COL9A2: variants seen among roughly 807,000 people sequenced by gnomAD.
The protein encoded by COL9A2 is collagen type IX alpha 2 chain, also known as collagen alpha-2(IX) chain.
Under a neutral mutation model 111.6 loss-of-function variants are expected in COL9A2, and 66 were observed. The ratio of observed to expected loss-of-function variants is 0.59; its 90% CI spans 0.48 to 0.73. The LOEUF (loss-of-function observed/expected upper bound fraction) is 0.73, where lower values mean the gene tolerates loss of function less well. COL9A2 is among the 30% of genes least tolerant of loss of function. The pLI is 0.00. For synonymous variants in COL9A2, 353 were observed against 364.1 expected (o/e 0.97, Z 0.35); for missense variants, 881 against 954.1 (o/e 0.92, Z 1.01).
rs1643903752 is a variant in COL9A2, at chr1:40,300,807, G to A, written c.*375C>T. On this transcript the variant is annotated 3_prime_UTR_variant, in exon 32 of 32. Transcript: ENST00000372748. The surrounding 1 kb of genome is among the most constrained non-coding windows in gnomAD (Gnocchi z 4.4). The stretch of plus-strand genomic sequence containing the variant: ...TGAGGGGTGGAACTGTAGCTGGGCA[G>A]GGCCCGGGCCTCCCGAGGTGCCCAT... 9.4e-6 allele frequency: 2 copies of A among 213,590 alleles called. No homozygotes were observed. The highest frequency in any genetic ancestry group is 5.2e-5 in the Admixed American group (1 of 19,100). The allele number at this position is 213,590 out of a possible 1,614,324, so 13.2% of individuals were successfully genotyped here.
At chr1:40,305,464 G>A (rs906350539) in intron 21 of COL9A2, among the ~76,000 whole-genome samples, 4 of 152,168 alleles carry the variant, frequency 2.6e-5, no homozygotes, top group Non-Finnish European at 4.4e-5. Context: ...ATAAATGAAC[G>A]AACAACTCTG....
In COL9A2 at chr1:40,309,975, C is replaced by G; in HGVS notation, c.809G>C (p.Arg270Thr). The G allele has an allele frequency of 1.2e-6, 2 of 1,614,104 alleles. No individual in the cohort carries two copies. The highest frequency in any genetic ancestry group is 8.5e-7 in the Non-Finnish European group (1 of 1,179,988). The change falls in exon 16 of 32, where the codon AGG (arginine) becomes ACG (threonine). Residue 270 changes from arginine (R) to threonine (T), a missense_variant. Transcript: ENST00000372748. Reference sequence around the variant, plus strand: ...CTCCCCAGCTCGGCCTGGCGGTCCCCTAGGACCTTCCTCACCCTGGCAAGA... The same window carrying G: ...CTCCCCAGCTCGGCCTGGCGGTCCCGTAGGACCTTCCTCACCCTGGCAAGA... ...ATGPPGEEGP[R>T]GPPGRAGEKG...
Position 40,308,224 on chromosome 1 carries a change from G to C in COL9A2, c.868C>G (p.Pro290Ala). The change falls in exon 17 of 32, where the codon CCC becomes GCC. Residue 290 changes from proline to alanine, a missense_variant. Pro to Ala is a conservative substitution (Grantham distance 27, BLOSUM62 -1). Transcript: ENST00000372748. Reference sequence around the variant, plus strand: ...CCTTTCGGGCCTGTGATCCCCTGGGGTCCACGAATACCTGGGCTGCCCTGC... The same window carrying C: ...CCTTTCGGGCCTGTGATCCCCTGGGCTCCACGAATACCTGGGCTGCCCTGC... ...GDEGSPGIRG[P>A]QGITGPKGAT... 2.5e-6 allele frequency: 4 copies of C among 1,614,134 alleles called. No individual in the cohort carries two copies. The highest frequency in any genetic ancestry group is 3.4e-6 in the Non-Finnish European group (4 of 1,180,006).
Position 40,305,709 on chromosome 1 carries a change from A to G in COL9A2, c.1107+6T>C. The G allele has an allele frequency of 6.2e-7, 1 of 1,613,798 alleles. No individual in the cohort carries two copies. Among genetic ancestry groups the G allele is most frequent in the Non-Finnish European group, 8.5e-7 (1 of 1,179,828 alleles). On this transcript the variant is annotated splice_donor_region_variant and intron_variant, in intron 21 of 31. Transcript: ENST00000372748. Reference sequence around the variant, plus strand: ...GAACCCTTGTGTCAGTGCAGGGGGCATTTACCTCTTTCCCAGGGGGACCAG... The same window carrying G: ...GAACCCTTGTGTCAGTGCAGGGGGCGTTTACCTCTTTCCCAGGGGGACCAG...
chr1:40,301,979 C>T, intron 30 of COL9A2, 90 bp from the exon 31 acceptor site: 3 of 1,305,086 alleles, frequency 2.3e-6, no homozygotes, highest in Non-Finnish European at 3.2e-6. Context: ...GAAATTATTC[C>T]TGTTTTGTGC....
At position 40,312,524 on chromosome 1, in the gene COL9A2, G is replaced by C. The variant is rs758931605; in HGVS notation, c.340-45C>G. ...AATTGGCTTCATGGCTCCCTCTGCA[G>C]GTCCCCTCTCCCCCAAGAGTCCCTC... is the stretch of plus-strand genomic sequence containing the variant. On this transcript the variant is annotated intron_variant, in intron 6 of 31. Coordinates refer to ENST00000372748, the MANE Select transcript of COL9A2 (RefSeq NM_001852.4). The surrounding 1 kb of genome is among the most constrained non-coding windows in gnomAD (Gnocchi z 6.0). 6.2e-7 allele frequency: 1 copy of C among 1,613,818 alleles called. No homozygotes were observed. The highest frequency in any genetic ancestry group is 1.1e-5 in the South Asian group (1 of 91,056).
intron 16 of COL9A2, among the ~76,000 whole-genome samples, chr1:40,308,450 G>A (rs999106883): frequency 2.6e-5 from 4 of 152,228 alleles, no homozygotes; most frequent in African/African-American, 7.2e-5. Context: ...TCAGTGCCAG[G>A]AGGCCAGGCT....
chr1:40,306,073 C>T (rs1401285696), intron 20 of COL9A2, 70 bp downstream of exon 20: 1 of 1,574,196 alleles, frequency 6.4e-7, no homozygotes, highest in African/African-American at 1.3e-5. Context: ...TGGCTGAGGC[C>T]TGGGCCTTGC....
At position 40,307,689 on chromosome 1, in the gene COL9A2, A is replaced by G. The variant is rs1414793048; in HGVS notation, c.954+14T>C. The G allele has an allele frequency of 1.2e-6, 2 of 1,614,060 alleles. No individual in the cohort carries two copies. The highest frequency in any genetic ancestry group is 3.3e-5 in the Admixed American group (2 of 60,012). ...CTGCCCCTGCCCCAGTCCCATCAGC[A>G]GCCCCACTCCTACCTTCATGCCAGG... On this transcript the variant is annotated intron_variant, in intron 18 of 31. Transcript: ENST00000372748. This position sits in a 1 kb window ranked among gnomAD's most constrained non-coding sequence, Gnocchi z 4.8.
intron 23 of COL9A2, 25 bp downstream of exon 23, chr1:40,304,451 C>A: frequency 6.2e-7 from 1 of 1,614,012 alleles, no homozygotes; most frequent in Non-Finnish European, 8.5e-7. Flanking sequence ...TGACGCCCTG[C>A]CCACCTTAGC....
At position 40,311,744 on chromosome 1, in the gene COL9A2, C is replaced by A; in HGVS notation, c.418-29G>T. The A allele has an allele frequency of 6.2e-7, 1 of 1,610,978 alleles. No individual in the cohort carries two copies. The highest frequency in any genetic ancestry group is 2.2e-5 in the East Asian group (1 of 44,874). Reference sequence around the variant, plus strand: ...GAAGCAAAAGAAGCCCAAATCATACCCCTGACCAGCCCTTACCAGCTTACC... The same window carrying A: ...GAAGCAAAAGAAGCCCAAATCATACACCTGACCAGCCCTTACCAGCTTACC... On this transcript the variant is annotated intron_variant, in intron 8 of 31. Transcript: ENST00000372748. The surrounding 1 kb of genome is among the most constrained non-coding windows in gnomAD (Gnocchi z 5.1).
Position 40,310,267 on chromosome 1 carries a change from C to T in COL9A2, c.735G>A (p.Glu245=). The T allele has an allele frequency of 6.2e-7, 1 of 1,614,174 alleles. No individual in the cohort carries two copies. The highest frequency in any genetic ancestry group is 8.5e-7 in the Non-Finnish European group (1 of 1,180,002). The change falls in exon 14 of 32, where the codon GAG becomes GAA. Residue 245 remains glutamate, a synonymous_variant. Transcript: ENST00000372748. This position sits in a 1 kb window ranked among gnomAD's most constrained non-coding sequence, Gnocchi z 4.9. ...GYPGMAGPKG[E]TGPHGYKGMV... ...GAACACCCCAAGATTCACTTACCGT[C>T]TCTCCCTTGGGCCCTGCCATGCCTG...
chr1:40,310,150 A>G lies in COL9A2; in HGVS notation c.753T>C (p.Tyr251=), dbSNP rs1437068337. The G allele has an allele frequency of 6.2e-7, 1 of 1,614,052 alleles. No individual in the cohort carries two copies. Among genetic ancestry groups the G allele is most frequent in the Non-Finnish European group, 8.5e-7 (1 of 1,179,954 alleles). Residue 251 remains tyrosine, a synonymous_variant, in exon 15 of 32, where the codon TAT becomes TAC. Coordinates refer to ENST00000372748, the MANE Select transcript of COL9A2 (RefSeq NM_001852.4). This position sits in a 1 kb window ranked among gnomAD's most constrained non-coding sequence, Gnocchi z 4.9. ...GPKGETGPHG[Y]KGMVGAIGAT... is the part of the protein sequence containing the mutation. ...CACCGATAGCGCCCACCATGCCTTT[A>G]TATCCATGAGGGCCCTGGGGAGAGG...
chr1:40,301,684 G>T, intron 31 of COL9A2, 128 bp downstream of exon 31: 1 of 910,120 alleles, frequency 1.1e-6, no homozygotes, highest in Non-Finnish European at 1.7e-6. Context: ...CCAAAGGGGT[G>T]CAGAAGCTGG....
In COL9A2 at chr1:40,311,883, C is replaced by T. The variant is rs531007545; in HGVS notation, c.418-168G>A. Among the ~76,000 whole-genome samples, 23 of 152,284 alleles carry T rather than the reference C, an allele frequency of 1.5e-4. No homozygotes were observed. The highest frequency in any genetic ancestry group is 1.5e-3 in the Admixed American group (23 of 15,304). On this transcript the variant is annotated intron_variant, in intron 8 of 31. Transcript: ENST00000372748. The surrounding 1 kb of genome is among the most constrained non-coding windows in gnomAD (Gnocchi z 5.1). ...CCTGATTGACAGGGGATGGGGCCAGCGGCGTCCCTAAAAGACCTAGTGCCG... is the reference window on the plus strand; with the variant it reads ...CCTGATTGACAGGGGATGGGGCCAGTGGCGTCCCTAAAAGACCTAGTGCCG...
intron 19 of COL9A2, among the ~76,000 whole-genome samples, chr1:40,306,723 AG>A (rs939673322): frequency 7.2e-5 from 11 of 152,186 alleles, no homozygotes; most frequent in Non-Finnish European, 1.3e-4. Context: ...CAGGAGGGGC[AG>A]GTTGGGGTCA....
At chr1:40,313,542 T>C (rs375552147) in intron 4 of COL9A2, among the ~76,000 whole-genome samples, 6 of 152,328 alleles carry the variant, frequency 3.9e-5, no homozygotes, top group East Asian at 1.9e-4. Flanking sequence ...TGATGCAACA[T>C]AGAAGGCAAT....
At chr1:40,306,118 T>C in intron 20 of COL9A2, 25 bp downstream of exon 20, 1 of 1,613,966 alleles carries the variant, frequency 6.2e-7, no homozygotes, top group Non-Finnish European at 8.5e-7. Context: ...TGCTCAATTC[T>C]GTCCCCAGCT....
rs964846222 is a variant in COL9A2 at position 40,310,032 on chromosome 1, C to T, written c.793-41G>A. The T allele has an allele frequency of 2.6e-5, 42 of 1,613,966 alleles. No homozygotes were observed. In the Middle Eastern group the frequency reaches 4.9e-4, roughly 19 times the overall value. ...AGCAGGAATCCAGGTCACACAGGCTCAGGGGGAGCCATGCCCACTCTGTGG... is the reference window on the plus strand; with the variant it reads ...AGCAGGAATCCAGGTCACACAGGCTTAGGGGGAGCCATGCCCACTCTGTGG... On this transcript the variant is annotated intron_variant, in intron 15 of 31. Transcript: ENST00000372748. This position sits in a 1 kb window ranked among gnomAD's most constrained non-coding sequence, Gnocchi z 4.9.
Sources: allele counts gnomAD v4.1 joint callset (sites outside exome capture counted in the v4.1 genomes callset), GRCh38; gene constraint gnomAD v4.1.1; non-coding constraint Gnocchi (gnomAD v3.1); transcripts MANE v1.5; gene names NCBI Gene and HGNC (gene_info 2026-07-23, HGNC 2026-07-21).